The following IRAG1 variants were observed in gnomAD, a reference collection of about 807,000 sequenced individuals.
The protein encoded by IRAG1 is inositol 1,4,5-triphosphate receptor associated 1, also known as IP3R-associated cGMP kinase substrate.
Under a neutral mutation model 106.2 loss-of-function variants are expected in IRAG1, and 62 were observed. That is an observed-to-expected ratio of 0.58 (90% confidence interval 0.48 to 0.72). The LOEUF (loss-of-function observed/expected upper bound fraction) is 0.72. Ranked by LOEUF, IRAG1 falls within the 30% of genes least tolerant of loss-of-function variation. The pLI is 0.00. For missense variants in IRAG1, 1,064 were observed against 1,140.7 expected, an observed-to-expected ratio of 0.93 and a Z score of 0.97; for synonymous variants, 462 against 443.9, an observed-to-expected ratio of 1.04 and a Z score of -0.51.
chr11:10,581,941 C>T lies in IRAG1; in HGVS notation c.2286G>A (p.Ala762=), dbSNP rs769006108. The change falls in exon 19 of 21, where the codon GCG becomes GCA. Residue 762 remains alanine (A), a synonymous_variant. Transcript: ENST00000423302. The part of the protein sequence containing the change: ...GDPDCEASAP[A]LTLSCLEELS... Reference sequence around the variant, plus strand: ...GCTCCTCCAGGCAGCTCAGGGTCAGCGCAGGAGCAGAGGCTTCACAATCTG... The same window carrying T: ...GCTCCTCCAGGCAGCTCAGGGTCAGTGCAGGAGCAGAGGCTTCACAATCTG... 1.3e-5 allele frequency: 21 copies of T among 1,613,708 alleles called. No individual in the cohort carries two copies. The highest frequency in any genetic ancestry group is 1.2e-4 in the Admixed American group (7 of 59,996).
In IRAG1 at chr11:10,581,971, C is replaced by T. The variant is rs867993630; in HGVS notation, c.2256G>A (p.Gly752=). Reference sequence around the variant, plus strand: ...GAGCAGAGGCTTCACAATCTGGGTCCCCATTTGTCTTTCCACTAGTGAGAA... The same window carrying T: ...GAGCAGAGGCTTCACAATCTGGGTCTCCATTTGTCTTTCCACTAGTGAGAA... ...PALLENGKTN[G]DPDCEASAPA... The change falls in exon 19 of 21, where the codon GGG becomes GGA. Residue 752 remains glycine, a synonymous_variant. Transcript: ENST00000423302. The T allele has an allele frequency of 6.2e-7, 1 of 1,613,258 alleles. No individual in the cohort carries two copies. The highest frequency in any genetic ancestry group is 8.5e-7 in the Non-Finnish European group (1 of 1,179,570).
chr11:10,673,438 C>T (rs891452340), intron 1 of IRAG1, among the ~76,000 whole-genome samples: 1 of 151,992 alleles, frequency 6.6e-6, no homozygotes, highest in African/African-American at 2.4e-5. Flanking sequence ...ATAAAATGCC[C>T]ATAATAGAGA....
chr11:10,640,922 A>AG (rs1400663614), intron 2 of IRAG1, among the ~76,000 whole-genome samples: 10 of 152,376 alleles, frequency 6.6e-5, no homozygotes, highest in Admixed American at 2.6e-4. Flanking sequence ...GAATTAAACA[A>AG]GTTGATATAG....
intron 1 of IRAG1, among the ~76,000 whole-genome samples, chr11:10,687,061 A>T (rs570634040): frequency 2.0e-5 from 3 of 152,368 alleles, no homozygotes; most frequent in African/African-American, 7.2e-5. Context: ...GCATTAAACA[A>T]GTTCCCCACC....
At chr11:10,617,065 T>C in intron 10 of IRAG1, 1 of 985,372 alleles carries the variant, frequency 1.0e-6, no homozygotes, top group Non-Finnish European at 1.2e-6. Context: ...GGAGGCCTCT[T>C]TCCTGCCCAA....
chr11:10,667,501 T>G (rs946212042), intron 1 of IRAG1, among the ~76,000 whole-genome samples: 1 of 152,196 alleles, frequency 6.6e-6, no homozygotes, highest in Admixed American at 6.5e-5. Context: ...ATCCTCTTAC[T>G]GCCTCAGTTA....
rs373779712 is a variant in IRAG1, at chr11:10,633,988, G to A, written c.309C>T (p.Thr103=). The part of the protein sequence containing the change: ...TGDATSPEGE[T]DKNLANRVHS... ...TGTACCTGTTGGCCAGGTTTTTGTCGGTTTCTCCTTCTGGTGAAGTGGCAT... is the reference window on the plus strand; with the variant it reads ...TGTACCTGTTGGCCAGGTTTTTGTCAGTTTCTCCTTCTGGTGAAGTGGCAT... Residue 103 remains threonine (T), a synonymous_variant, in exon 3 of 21, where the codon ACC becomes ACT. Transcript: ENST00000423302. 4.6e-5 allele frequency: 74 copies of A among 1,611,052 alleles called. No homozygotes were observed. The highest frequency in any genetic ancestry group is 2.5e-4 in the Admixed American group (15 of 59,822).
Position 10,609,738 on chromosome 11 carries a change from G to T in IRAG1, c.1561C>A (p.Leu521Ile). 1 of 1,613,776 alleles carries T rather than the reference G, an allele frequency of 6.2e-7. No homozygotes were observed. The highest frequency in any genetic ancestry group is 8.5e-7 in the Non-Finnish European group (1 of 1,179,794). The change falls in exon 11 of 21, where the codon CTC becomes ATC. Residue 521 changes from leucine to isoleucine, a missense_variant. Physicochemically the swap from Leu to Ile is conservative, Grantham distance 5. Coordinates refer to ENST00000423302, the MANE Select transcript of IRAG1 (RefSeq NM_130385.4). ...LLRKLRVHRS[L>I]PGSAPPLTEK... ...ACATCCTGATTTTACCTTCCAGGGA[G>T]ACTCCTGTGGACCCGCAGTTTGCGC...
intron 2 of IRAG1, among the ~76,000 whole-genome samples, chr11:10,639,517 G>A (rs569279278): frequency 2.6e-5 from 4 of 152,208 alleles, no homozygotes; most frequent in African/African-American, 9.6e-5. Context: ...CAGCATAGAA[G>A]GAACTTCATT....
Position 10,603,204 on chromosome 11 carries a change from C to G in IRAG1, c.1791G>C (p.Gln597His). 6.2e-7 allele frequency: 1 copy of G among 1,613,572 alleles called. No individual in the cohort carries two copies. Among genetic ancestry groups the G allele is most frequent in the Non-Finnish European group, 8.5e-7 (1 of 1,179,808 alleles). ...GGACAGCGATGTCCTCCAGCAACTT[C>G]TGGTAGGTTTCCCGGTGCTCACAGT... ...WHHCEHRETY[Q>H]KLLEDIAVLH... The change falls in exon 14 of 21, where the codon CAG becomes CAC. Residue 597 changes from glutamine (Q) to histidine (H), a missense_variant. Physicochemically the swap from Gln to His is conservative, Grantham distance 24. Transcript: ENST00000423302.
chr11:10,668,697 G>A (rs1326740591), intron 1 of IRAG1, among the ~76,000 whole-genome samples: 2 of 152,210 alleles, frequency 1.3e-5, no homozygotes, highest in East Asian at 1.9e-4. Flanking sequence ...CTATTTGGCT[G>A]AGAGACACTC....
At chr11:10,687,915 T>C in intron 1 of IRAG1, 1 of 597,872 alleles carries the variant, frequency 1.7e-6, no homozygotes, top group Middle Eastern at 3.6e-4. Context: ...ATGGACACTA[T>C]CATTACAGGT....
At chr11:10,607,627 G>A (rs527518306) in intron 11 of IRAG1, among the ~76,000 whole-genome samples, 1 of 151,004 alleles carries the variant, frequency 6.6e-6, no homozygotes, top group Non-Finnish European at 1.5e-5. Context: ...GCCTGGGAGG[G>A]GTCCTACCAG....
At chr11:10,673,093 G>T (rs1860378464) in intron 1 of IRAG1, among the ~76,000 whole-genome samples, 1 of 152,106 alleles carries the variant, frequency 6.6e-6, no homozygotes, top group South Asian at 2.1e-4. Context: ...GACAAGCCTG[G>T]CCAACATGGT....
chr11:10,661,838 G>T (rs1859428718), intron 1 of IRAG1, among the ~76,000 whole-genome samples: 1 of 152,068 alleles, frequency 6.6e-6, no homozygotes, highest in South Asian at 2.1e-4. Context: ...ATCTTCATAG[G>T]TTCCTGGGTT....
intron 1 of IRAG1, among the ~76,000 whole-genome samples, chr11:10,691,935 A>T (rs1336664650): frequency 6.6e-6 from 1 of 151,876 alleles, no homozygotes; most frequent in African/African-American, 2.4e-5. Flanking sequence ...GGAAAGAATG[A>T]CCCCTGCTTT....
chr11:10,605,843 ACC>A (rs1419782207), intron 12 of IRAG1, among the ~76,000 whole-genome samples: 2 of 152,206 alleles, frequency 1.3e-5, no homozygotes, highest in Non-Finnish European at 2.9e-5. Context: ...AATTTTCTAT[ACC>A]TTGATTATCC....
In IRAG1 at chr11:10,666,564, T is replaced by TCCCTAACAATCAGATTTACCTAG. The variant is rs1564935588; in HGVS notation, c.68-14383_68-14382insCTAGGTAAATCTGATTGTTAGGG. 3.3e-5 allele frequency among the ~76,000 whole-genome samples: 5 copies of TCCCTAACAATCAGATTTACCTAG among 152,232 alleles called. No individual in the cohort carries two copies. The East Asian group carries it at 9.7e-4, about 29-fold the overall frequency. On this transcript the variant is annotated intron_variant, in intron 1 of 20. Coordinates refer to ENST00000423302, the MANE Select transcript of IRAG1 (RefSeq NM_130385.4). ...CCAGTTTGTCATCGTGGAGAAGGTA[T>TCCCTAACAATCAGATTTACCTAG]CATCCCTAACAATCAGATTTACCTA...
chr11:10,589,755 CAT>C (rs1852429030), intron 18 of IRAG1, among the ~76,000 whole-genome samples: 1 of 152,274 alleles, frequency 6.6e-6, no homozygotes, highest in African/African-American at 2.4e-5. Flanking sequence ...CCACTCTGTC[CAT>C]ATCTCTCCAG....
Sources: gnomAD v4.1 joint callset for allele counts (sites outside exome capture counted in the v4.1 genomes callset) on GRCh38, gnomAD v4.1.1 for gene constraint, MANE v1.5 for transcripts, NCBI Gene and HGNC (gene_info 2026-07-23, HGNC 2026-07-21) for gene names.